XPO1: variants seen among roughly 807,000 people sequenced by gnomAD.
XPO1 encodes exportin 1.
In XPO1, 5 loss-of-function variants were observed where a neutral mutation model predicts 133.3. The ratio of observed to expected loss-of-function variants is 0.04; its 90% CI spans 0.02 to 0.08. The LOEUF (loss-of-function observed/expected upper bound fraction) is 0.08, where lower values mean the gene tolerates loss of function less well. Among genes scored for constraint, XPO1 ranks in the 10% least tolerant of loss-of-function variants. The pLI is 1.00. For missense variants in XPO1, 506 were observed against 1,267.5 expected, an observed-to-expected ratio of 0.40 and a Z score of 9.12; for synonymous variants, 419 against 408.2, an observed-to-expected ratio of 1.03 and a Z score of -0.32.
intron 24 of XPO1, among the ~76,000 whole-genome samples, chr2:61,480,116 C>T (rs1696267728): frequency 1.3e-5 from 2 of 151,942 alleles, no homozygotes; most frequent in South Asian, 4.1e-4. Context: ...CTGTCTGCCT[C>T]GGCCTCCCAA....
intron 2 of XPO1, among the ~76,000 whole-genome samples, chr2:61,530,123 G>A (rs1386388401): frequency 1.3e-5 from 2 of 152,164 alleles, no homozygotes; most frequent in African/African-American, 4.8e-5. Context: ...TAGAGGAAAA[G>A]TTGTATCAAA....
chr2:61,498,347 A>T (rs1232355015), intron 9 of XPO1, among the ~76,000 whole-genome samples: 1 of 152,210 alleles, frequency 6.6e-6, no homozygotes. Flanking sequence ...TATCAATTTT[A>T]AATTATCAGT....
chr2:61,518,379 C>T (rs1322451978), intron 4 of XPO1, among the ~76,000 whole-genome samples: 6 of 149,112 alleles, frequency 4.0e-5, no homozygotes, highest in Admixed American at 1.3e-4. Context: ...GGTGAAACCC[C>T]GTCTCTACTA....
chr2:61,513,236 T>C (rs910382835), intron 4 of XPO1, among the ~76,000 whole-genome samples: 1 of 152,178 alleles, frequency 6.6e-6, no homozygotes, highest in Non-Finnish European at 1.5e-5. Flanking sequence ...TTTGTTTGTA[T>C]TGTTTCCGCC....
chr2:61,492,464 A>G lies in XPO1; in HGVS notation c.1584T>C (p.Cys528=). ...TATTATCTTTGCCTCTTTTCTGTTC[A>G]CATAATCCTAATAGATCCTGTAAAT... ...VTVIKDLLGL[C]EQKRGKDNKA... Residue 528 remains cysteine (C), a synonymous_variant, in exon 15 of 25, where the codon TGT becomes TGC. Coordinates refer to ENST00000401558, the MANE Select transcript of XPO1 (RefSeq NM_003400.4). This position sits in a 1 kb window ranked among gnomAD's most constrained non-coding sequence, Gnocchi z 5.6. 1 of 1,596,914 alleles carries G rather than the reference A, an allele frequency of 6.3e-7. No homozygotes were observed. Among genetic ancestry groups the G allele is most frequent in the East Asian group, 2.2e-5 (1 of 44,778 alleles).
At chr2:61,522,408 CCT>C (rs1365209450) in intron 4 of XPO1, among the ~76,000 whole-genome samples, 1 of 152,128 alleles carries the variant, frequency 6.6e-6, no homozygotes, top group African/African-American at 2.4e-5. Context: ...AGTCCAGTCT[CCT>C]CTTTCTCCCA....
In XPO1 at chr2:61,485,852, G is replaced by C; in HGVS notation, c.2424C>G (p.Val808=). ...CTGTTATATGTCCCCCTAACTTGTT[G>C]ACAATTATGGCCATAGTACTAAGCA... ...PEVLSTMAII[V]NKLGGHITAE... Residue 808 remains valine (V), a synonymous_variant, in exon 20 of 25, where the codon GTC becomes GTG. Coordinates refer to ENST00000401558, the MANE Select transcript of XPO1 (RefSeq NM_003400.4). The C allele has an allele frequency of 6.2e-7, 1 of 1,613,984 alleles. No homozygotes were observed. The highest frequency in any genetic ancestry group is 8.5e-7 in the Non-Finnish European group (1 of 1,179,960).
intron 1 of XPO1, chr2:61,534,458 G>C (rs531159547): frequency 6.6e-6 from 1 of 152,370 alleles, no homozygotes; most frequent in East Asian, 1.9e-4. Flanking sequence ...CGAGGTGGGC[G>C]AATCACTTGA....
intron 2 of XPO1, among the ~76,000 whole-genome samples, chr2:61,529,594 G>A (rs545235771): frequency 1.3e-5 from 2 of 151,824 alleles, no homozygotes; most frequent in Non-Finnish European, 2.9e-5. Context: ...CCCGGAAGGC[G>A]GAGGTTGCAG....
At chr2:61,531,436 T>C (rs1056786064) in intron 2 of XPO1, among the ~76,000 whole-genome samples, 1 of 152,228 alleles carries the variant, frequency 6.6e-6, no homozygotes, top group African/African-American at 2.4e-5. Flanking sequence ...TTAAATTTCT[T>C]AATACTATGA....
chr2:61,496,118 C>A (rs1415988287), intron 10 of XPO1, among the ~76,000 whole-genome samples: 1 of 152,120 alleles, frequency 6.6e-6, no homozygotes, highest in Non-Finnish European at 1.5e-5. Context: ...GCTATCACAG[C>A]CTTTAAATTT....
intron 4 of XPO1, among the ~76,000 whole-genome samples, chr2:61,515,376 G>A (rs867099492): frequency 1.2e-4 from 19 of 152,174 alleles, no homozygotes; most frequent in Non-Finnish European, 2.1e-4. Flanking sequence ...TTCCGTTTCT[G>A]AAACTTTGAG....
Position 61,478,761 on chromosome 2 carries a change from A to G in XPO1, c.*59T>C. On this transcript the variant is annotated 3_prime_UTR_variant, in exon 25 of 25. Coordinates refer to ENST00000401558, the MANE Select transcript of XPO1 (RefSeq NM_003400.4). Reference sequence around the variant, plus strand: ...GCATCATTTTGGTCGACAAATACCCACATGCTGTTTTCCTCTGCTAACGAG... The same window carrying G: ...GCATCATTTTGGTCGACAAATACCCGCATGCTGTTTTCCTCTGCTAACGAG... The G allele has an allele frequency of 1.3e-6, 2 of 1,574,268 alleles. No individual in the cohort carries two copies. Among genetic ancestry groups the G allele is most frequent in the Non-Finnish European group, 1.7e-6 (2 of 1,156,768 alleles).
At chr2:61,528,995 C>A (rs985696844) in intron 2 of XPO1, among the ~76,000 whole-genome samples, 1 of 151,732 alleles carries the variant, frequency 6.6e-6, no homozygotes, top group Non-Finnish European at 1.5e-5. Context: ...TGTCTGTAAT[C>A]CCAGGAGTTC....
intron 2 of XPO1, among the ~76,000 whole-genome samples, chr2:61,531,438 A>T (rs2104824603): frequency 6.6e-6 from 1 of 152,356 alleles, no homozygotes; most frequent in East Asian, 1.9e-4. Context: ...AAATTTCTTA[A>T]TACTATGAAA....
chr2:61,479,444 C>T (rs960018262), intron 24 of XPO1, among the ~76,000 whole-genome samples: 4 of 129,704 alleles, frequency 3.1e-5, no homozygotes, highest in African/African-American at 5.7e-5. Flanking sequence ...AAAAGCGAGA[C>T]TGTGCCCCCC....
chr2:61,512,613 T>C (rs561920625), intron 4 of XPO1, among the ~76,000 whole-genome samples: 1 of 152,216 alleles, frequency 6.6e-6, no homozygotes, highest in African/African-American at 2.4e-5. Context: ...AAGATGTTCA[T>C]TCTCTCCAAA....
chr2:61,515,652 A>G (rs1698337299), intron 4 of XPO1, among the ~76,000 whole-genome samples: 1 of 152,206 alleles, frequency 6.6e-6, no homozygotes, highest in African/African-American at 2.4e-5. Context: ...AGCCAGTATT[A>G]CGGTGCCAAT....
intron 2 of XPO1, among the ~76,000 whole-genome samples, chr2:61,529,871 A>G (rs986710632): frequency 3.9e-5 from 6 of 152,204 alleles, no homozygotes; most frequent in Admixed American, 1.3e-4. Flanking sequence ...TGGTTGCCTG[A>G]AAAGATCAGA....
Sources: allele counts gnomAD v4.1 joint callset (sites outside exome capture counted in the v4.1 genomes callset), GRCh38; gene constraint gnomAD v4.1.1; non-coding constraint Gnocchi (gnomAD v3.1); transcripts MANE v1.5; gene names NCBI Gene and HGNC (gene_info 2026-07-23, HGNC 2026-07-21).